PKHD1: variants seen among roughly 807,000 people sequenced by gnomAD.
The protein encoded by PKHD1 is fibrocystin.
A neutral mutation model predicts 412.0 loss-of-function variants in PKHD1; 291 were observed. The observed-to-expected ratio is 0.71, with a 90% CI of 0.64 to 0.78. The LOEUF (loss-of-function observed/expected upper bound fraction) is 0.78, where lower values mean the gene tolerates loss of function less well. Ranked by LOEUF, PKHD1 falls within the 30% of genes least tolerant of loss-of-function variation. PKHD1 has a pLI of 0.00. For missense variants in PKHD1, 4,825 were observed against 4,950.7 expected (o/e 0.97, Z 0.76); for synonymous variants, 1,777 against 1,821.5 (o/e 0.98, Z 0.62).
At chr6:51,977,361 T>C (rs1794597515) in intron 35 of PKHD1, among the ~76,000 whole-genome samples, 1 of 152,216 alleles carries the variant, frequency 6.6e-6, no homozygotes, top group Non-Finnish European at 1.5e-5. Flanking sequence ...ACCTGAAAAC[T>C]TACAGAAATC....
intron 35 of PKHD1, among the ~76,000 whole-genome samples, chr6:51,971,144 T>C (rs1222154654): frequency 6.6e-6 from 1 of 152,246 alleles, no homozygotes; most frequent in African/African-American, 2.4e-5. Flanking sequence ...CTTGGTTAAA[T>C]ATATTCGTAA....
chr6:51,753,310 A>G lies in PKHD1; in HGVS notation c.8841T>C (p.Ala2947=), dbSNP rs761457656. Residue 2947 remains alanine, a synonymous_variant, in exon 57 of 67, where the codon GCT becomes GCC. Coordinates refer to ENST00000371117, the MANE Select transcript of PKHD1 (RefSeq NM_138694.4). ...VTEDGRHIRL[A]AEVGLLTRNI... The stretch of plus-strand genomic sequence containing the variant: ...TTCGGGTCAACAGTCCAACCTCAGC[A>G]GCCAAACGAATGTGTCGGCCATCCT... 3.1e-6 allele frequency: 5 copies of G among 1,613,758 alleles called. No individual in the cohort carries two copies. The African/African-American group carries it at 6.7e-5, about 22-fold the overall frequency.
At chr6:51,706,148 CCT>C (rs142548877) in intron 60 of PKHD1, among the ~76,000 whole-genome samples, 27 of 152,154 alleles carry the variant, frequency 1.8e-4, no homozygotes, top group African/African-American at 5.8e-4. Flanking sequence ...AGGTGACTTT[CCT>C]CTCTCGAAAT....
At chr6:51,782,105 G>A (rs1441610459) in intron 53 of PKHD1, among the ~76,000 whole-genome samples, 1 of 151,656 alleles carries the variant, frequency 6.6e-6, no homozygotes, top group Non-Finnish European at 1.5e-5. Context: ...TTATATTACT[G>A]TTATATGGAT....
At position 51,746,893 on chromosome 6, in the gene PKHD1, A is replaced by G; in HGVS notation, c.9830-4T>C. ...ACAAAACTAGAAAAGGTAACATCTG[A>G]AATTTTAAAAATATGTATCATAATA... On this transcript the variant is annotated splice_region_variant and splice_polypyrimidine_tract_variant and intron_variant, in intron 58 of 66. Coordinates refer to ENST00000371117, the MANE Select transcript of PKHD1 (RefSeq NM_138694.4). The G allele has an allele frequency of 6.5e-7, 1 of 1,542,158 alleles. No individual in the cohort carries two copies. The highest frequency in any genetic ancestry group is 8.9e-7 in the Non-Finnish European group (1 of 1,120,928).
intron 61 of PKHD1, among the ~76,000 whole-genome samples, chr6:51,655,331 T>C (rs1771634853): frequency 6.6e-6 from 1 of 152,030 alleles, no homozygotes; most frequent in Non-Finnish European, 1.5e-5. Context: ...GAAGAGAAAA[T>C]GCTAAAGGTG....
intron 62 of PKHD1, among the ~76,000 whole-genome samples, chr6:51,648,455 T>C (rs1394932099): frequency 6.6e-6 from 1 of 152,094 alleles, no homozygotes; most frequent in Admixed American, 6.6e-5. Flanking sequence ...GCTGGGTGAG[T>C]GCCAGACCAC....
At chr6:51,671,581 T>C (rs544225575) in intron 60 of PKHD1, among the ~76,000 whole-genome samples, 115 of 152,330 alleles carry the variant, frequency 7.5e-4, no homozygotes, top group Middle Eastern at 3.4e-3. Context: ...CTTTGTTCCA[T>C]TGCTGGTGAG....
chr6:51,795,625 T>A (rs1295382130), intron 52 of PKHD1, among the ~76,000 whole-genome samples: 1 of 152,260 alleles, frequency 6.6e-6, no homozygotes, highest in African/African-American at 2.4e-5. Context: ...GGGGAGTGCT[T>A]CTGGCTTTTG....
intron 63 of PKHD1, among the ~76,000 whole-genome samples, chr6:51,645,357 CTT>C (rs1262985421): frequency 1.3e-5 from 2 of 151,974 alleles, no homozygotes; most frequent in African/African-American, 4.8e-5. Flanking sequence ...ATATATATCT[CTT>C]TGTATAGTAT....
At chr6:51,817,717 A>G (rs1290551442) in intron 52 of PKHD1, among the ~76,000 whole-genome samples, 1 of 152,196 alleles carries the variant, frequency 6.6e-6, no homozygotes, top group African/African-American at 2.4e-5. Flanking sequence ...CTCCTCTAAC[A>G]AATAAACAAA....
At chr6:51,676,895 T>C (rs1426161064) in intron 60 of PKHD1, among the ~76,000 whole-genome samples, 2 of 152,130 alleles carry the variant, frequency 1.3e-5, no homozygotes, top group African/African-American at 4.8e-5. Context: ...TTCAAAAAAA[T>C]GGGTGTATGT....
chr6:51,923,142 C>T (rs1182222710), intron 37 of PKHD1, among the ~76,000 whole-genome samples: 1 of 152,062 alleles, frequency 6.6e-6, no homozygotes, highest in Non-Finnish European at 1.5e-5. Flanking sequence ...CATGGACATA[C>T]ATGGGTGTCA....
intron 30 of PKHD1, 86 bp downstream of exon 30, chr6:52,028,070 G>A: frequency 7.1e-7 from 1 of 1,403,250 alleles, no homozygotes; most frequent in Non-Finnish European, 1.0e-6. Context: ...AAGGGAAAAA[G>A]AAAATACCTA....
At position 51,850,379 on chromosome 6, in the gene PKHD1, C is replaced by G. The variant is rs553868952; in HGVS notation, c.7912-2409G>C. Among the ~76,000 whole-genome samples, 3 of 152,288 alleles carry G rather than the reference C, an allele frequency of 2.0e-5. No individual in the cohort carries two copies. In the East Asian group the frequency reaches 5.8e-4, roughly 29 times the overall value. ...TAGGATTGTCTTGGCTATACAGGGT[C>G]TTCTTCGATTCCATGTGAAATTTAA... is the stretch of plus-strand genomic sequence containing the variant. On this transcript the variant is annotated intron_variant, in intron 49 of 66. Transcript: ENST00000371117.
intron 49 of PKHD1, among the ~76,000 whole-genome samples, chr6:51,848,690 T>C (rs867052318): frequency 6.6e-6 from 1 of 152,158 alleles, no homozygotes; most frequent in Non-Finnish European, 1.5e-5. Flanking sequence ...CTGAAAGCCA[T>C]GGAGAGAAGA....
chr6:52,050,063 A>G (rs1016291007), intron 22 of PKHD1, 94 bp downstream of exon 22: 1 of 1,158,276 alleles, frequency 8.6e-7, no homozygotes, highest in Non-Finnish European at 1.3e-6. Context: ...GCAACAAGAC[A>G]GGTAGCTTTT....
intron 52 of PKHD1, among the ~76,000 whole-genome samples, chr6:51,807,521 G>GTGTGTA (rs1349697144): frequency 1.4e-5 from 2 of 142,762 alleles, no homozygotes; most frequent in Non-Finnish European, 3.1e-5. Flanking sequence ...GTGTGTGTGT[G>GTGTGTA]TATCCATCTA....
At chr6:51,988,812 C>T (rs570826197) in intron 35 of PKHD1, among the ~76,000 whole-genome samples, 95 of 152,292 alleles carry the variant, frequency 6.2e-4, no homozygotes, top group Non-Finnish European at 1.1e-3. Context: ...TTGTTAGGGA[C>T]TAGGACCCAA....
Sources: allele counts gnomAD v4.1 joint callset (sites outside exome capture counted in the v4.1 genomes callset), GRCh38; gene constraint gnomAD v4.1.1; transcripts MANE v1.5; gene names NCBI Gene and HGNC (gene_info 2026-07-23, HGNC 2026-07-21).